RIC3: variants seen among roughly 807,000 people sequenced by gnomAD.
The protein encoded by RIC3 is protein RIC-3.
RIC3 carries 28 observed loss-of-function variants against 27.3 expected under a neutral mutation model. That is an observed-to-expected ratio of 1.02 (90% confidence interval 0.76 to 1.41). The LOEUF (loss-of-function observed/expected upper bound fraction) is 1.41. RIC3 is among the 40% of genes most tolerant of loss of function. RIC3 has a pLI of 0.00. For synonymous variants in RIC3, 184 were observed against 160.4 expected (o/e 1.15, Z -1.11); for missense variants, 501 against 444.7 (o/e 1.13, Z -1.14).
At chr11:8,093,311 C>T in the RIC3 span, among the ~76,000 whole-genome samples, 1 of 152,076 alleles carries the variant, frequency 6.6e-6, no homozygotes, top group Non-Finnish European at 1.5e-5. Context: ...GAGTGCAGTG[C>T]ATGTGAGGCA....
chr11:8,099,040 T>G, the RIC3 span, among the ~76,000 whole-genome samples: 1 of 152,078 alleles, frequency 6.6e-6, no homozygotes, highest in African/African-American at 2.4e-5. Context: ...GGGCTCTGGC[T>G]CTCTCCTCCT....
intron 1 of RIC3, among the ~76,000 whole-genome samples, chr11:8,143,926 G>A (rs1159748519): frequency 6.6e-6 from 1 of 152,136 alleles, no homozygotes. Context: ...CAAGCAATGG[G>A]GAAAGGATTC....
At position 8,168,892 on chromosome 11, in the gene RIC3, C is replaced by T. The variant is rs762242518; in HGVS notation, c.98G>A (p.Arg33Gln). 2 of 1,611,340 alleles carry T rather than the reference C, an allele frequency of 1.2e-6. No individual in the cohort carries two copies. The highest frequency in any genetic ancestry group is 2.7e-5 in the African/African-American group (2 of 74,632). Residue 33 changes from arginine to glutamine, a missense_variant, in exon 1 of 6, where the codon CGG becomes CAG. Transcript: ENST00000309737. ...TTCAGGTGTCGGCGGCGGCTCCTGC[C>T]GCTTCCCGCGGGACAGGAAGGCCTT... Reference protein sequence around the residue: ...LPKAFLSRGKRQEPPPTPEGK... With the variant: ...LPKAFLSRGKQQEPPPTPEGK...
intron 1 of RIC3, among the ~76,000 whole-genome samples, chr11:8,167,738 G>A (rs1036031917): frequency 1.3e-5 from 2 of 151,194 alleles, no homozygotes; most frequent in East Asian, 3.9e-4. Context: ...AGACAAAGCA[G>A]GTAAAAATCT....
intron 3 of RIC3, 58 bp from the exon 4 acceptor site, chr11:8,137,529 G>C (rs975049906): frequency 7.1e-6 from 10 of 1,400,412 alleles, no homozygotes; most frequent in African/African-American, 1.4e-5. Context: ...ACCTGTTAAA[G>C]AGACCACAAA....
Position 8,110,570 on chromosome 11 carries a change from A to G in RIC3, c.*128T>C. ...CCAGGAAGGATACATGATATCCATG[A>G]TAGTGGCCTGATAGCTATGACACTT... is the stretch of plus-strand genomic sequence containing the variant. On this transcript the variant is annotated 3_prime_UTR_variant, in exon 6 of 6. Transcript: ENST00000309737. The G allele has an allele frequency of 1.2e-6, 1 of 829,386 alleles. No individual in the cohort carries two copies. Among genetic ancestry groups the G allele is most frequent in the South Asian group, 1.4e-5 (1 of 73,350 alleles). The allele number at this position is 829,386 out of a possible 1,614,324, so 51.4% of individuals were successfully genotyped here. A position where few individuals can be genotyped will look rare whatever the true frequency, so the allele number is the denominator to read the frequency against.
At chr11:8,137,840 A>G (rs1197474016) in intron 3 of RIC3, among the ~76,000 whole-genome samples, 2 of 152,242 alleles carry the variant, frequency 1.3e-5, no homozygotes, top group Non-Finnish European at 2.9e-5. Flanking sequence ...GCCATGTTGT[A>G]TAAATTTAAT....
At chr11:8,141,797 A>G (rs1949103576) in intron 1 of RIC3, among the ~76,000 whole-genome samples, 1 of 152,198 alleles carries the variant, frequency 6.6e-6, no homozygotes, top group Admixed American at 6.5e-5. Flanking sequence ...TCCTCAGCAA[A>G]TGTAAAAGAA....
chr11:8,139,569 T>G (rs189560111), intron 2 of RIC3: 361 of 184,296 alleles, frequency 2.0e-3, no homozygotes, highest in Middle Eastern at 0.01. Flanking sequence ...GAAATCACTG[T>G]GCCAATCCCA....
At chr11:8,095,461 C>T in the RIC3 span, 3 of 1,575,636 alleles carry the variant, frequency 1.9e-6, no homozygotes, top group African/African-American at 4.0e-5. Flanking sequence ...TCCTCTCCTC[C>T]TCCTGGATGT....
the RIC3 span, chr11:8,098,656 G>C: frequency 1.2e-6 from 1 of 843,872 alleles, no homozygotes; most frequent in African/African-American, 1.7e-5. Flanking sequence ...TCCTGTTCCA[G>C]CCCAGAATGT....
rs540459608 is a variant in RIC3 at position 8,118,713 on chromosome 11, C to CA, written c.671-7577dup. 5.3e-5 allele frequency among the ~76,000 whole-genome samples: 8 copies of CA among 150,514 alleles called. No individual in the cohort carries two copies. The East Asian group carries it at 9.8e-4, about 18-fold the overall frequency. Reference sequence around the variant, plus strand: ...CAAAACCCTGTCTCTACTAAAAATACAAAAAAAATTAGCCAGGAGTGATGG... The same window carrying CA: ...CAAAACCCTGTCTCTACTAAAAATACAAAAAAAAATTAGCCAGGAGTGATGG... On this transcript the variant is annotated intron_variant, in intron 5 of 5. Transcript: ENST00000309737.
At chr11:8,137,295 A>AT in intron 4 of RIC3, 83 bp downstream of exon 4, 2 of 1,234,994 alleles carry the variant, frequency 1.6e-6, no homozygotes, top group East Asian at 4.6e-5. Flanking sequence ...AAGTGCTGGG[A>AT]TTAGAGGCCT....
downstream of RIC3, chr11:8,103,182 G>C (rs1015905031): frequency 1.3e-5 from 2 of 152,210 alleles, no homozygotes; most frequent in Non-Finnish European, 2.9e-5. Flanking sequence ...CTGGGGCTGG[G>C]CCTGAGCCTA....
intron 1 of RIC3, among the ~76,000 whole-genome samples, chr11:8,160,635 A>G (rs1223574469): frequency 6.6e-6 from 1 of 152,226 alleles, no homozygotes; most frequent in African/African-American, 2.4e-5. Flanking sequence ...ATATACAGCA[A>G]AGTCAGCAAG....
At chr11:8,094,259 C>T in the RIC3 span, 238 of 1,507,314 alleles carry the variant, frequency 1.6e-4, no homozygotes, top group Non-Finnish European at 2.0e-4. Flanking sequence ...GAAGGTTTGT[C>T]CTCCTGACTT....
At chr11:8,129,263 A>C (rs1947380909) in intron 4 of RIC3, among the ~76,000 whole-genome samples, 3 of 151,764 alleles carry the variant, frequency 2.0e-5, no homozygotes, top group African/African-American at 7.3e-5. Context: ...CCACCTCCCA[A>C]AACAATTTTC....
chr11:8,111,333 T>C (rs193280968), intron 5 of RIC3, among the ~76,000 whole-genome samples, 196 bp from the exon 6 acceptor site: 7 of 152,362 alleles, frequency 4.6e-5, no homozygotes, highest in African/African-American at 1.2e-4. Context: ...CCAGTGCTCT[T>C]TGAAATACAA....
At chr11:8,125,135 TC>T (rs1435560996) in intron 5 of RIC3, among the ~76,000 whole-genome samples, 4 of 151,754 alleles carry the variant, frequency 2.6e-5, no homozygotes, top group Admixed American at 6.6e-5. Flanking sequence ...GCGCCTGTAG[TC>T]CCAGCTACTA....
Sources: gnomAD v4.1 joint callset for allele counts (sites outside exome capture counted in the v4.1 genomes callset) on GRCh38, gnomAD v4.1.1 for gene constraint, MANE v1.5 for transcripts, NCBI Gene and HGNC (gene_info 2026-07-23, HGNC 2026-07-21) for gene names.